Variants in REDIC1 observed in about 807,000 individuals in gnomAD.
REDIC1 encodes HEI10 Interacting Protein 1.
chr12:39,898,705 T>G, the REDIC1 span, among the ~76,000 whole-genome samples: 1 of 152,156 alleles, frequency 6.6e-6, no homozygotes, highest in Non-Finnish European at 1.5e-5. Flanking sequence ...AATCTCCCAT[T>G]TGACTGCTCA....
chr12:39,742,948 C>T, the REDIC1 span, among the ~76,000 whole-genome samples: 1 of 152,086 alleles, frequency 6.6e-6, no homozygotes, highest in Admixed American at 6.5e-5. Flanking sequence ...CTGTAATAGG[C>T]AAATTGCTGG....
At chr12:39,713,457 C>T in the REDIC1 span, among the ~76,000 whole-genome samples, 1 of 146,476 alleles carries the variant, frequency 6.8e-6, no homozygotes, top group Non-Finnish European at 1.5e-5. Context: ...TGTATACATA[C>T]ATTTGTATAT....
chr12:39,698,110 C>T, the REDIC1 span, among the ~76,000 whole-genome samples: 3 of 152,002 alleles, frequency 2.0e-5, no homozygotes, highest in African/African-American at 4.8e-5. Context: ...AGTAGCTACA[C>T]GTATATTAGA....
the REDIC1 span, among the ~76,000 whole-genome samples, chr12:39,813,049 T>C: frequency 8.5e-6 from 1 of 117,080 alleles, no homozygotes; most frequent in Non-Finnish European, 1.7e-5. Flanking sequence ...TTCACCATGT[T>C]GGCCACGCTG....
chr12:39,749,862 C>G, the REDIC1 span, among the ~76,000 whole-genome samples: 1 of 152,256 alleles, frequency 6.6e-6, no homozygotes, highest in East Asian at 1.9e-4. Context: ...TGAGAAAATT[C>G]AACAATCCTG....
chr12:39,814,044 T>TATC, the REDIC1 span, among the ~76,000 whole-genome samples: 4 of 152,246 alleles, frequency 2.6e-5, no homozygotes, highest in African/African-American at 7.2e-5. Context: ...ACTATAATCA[T>TATC]ATCTTTCAAG....
chr12:39,692,129 A>C, the REDIC1 span: 1 of 1,515,110 alleles, frequency 6.6e-7, no homozygotes, highest in Non-Finnish European at 8.9e-7. Flanking sequence ...ATAACTGTAT[A>C]AGTTAATTTT....
At chr12:39,665,169 T>A in the REDIC1 span, among the ~76,000 whole-genome samples, 1 of 152,000 alleles carries the variant, frequency 6.6e-6, no homozygotes. Context: ...CTGAATGGTA[T>A]TGCCTAGGTT....
the REDIC1 span, among the ~76,000 whole-genome samples, chr12:39,713,245 TAC>T: frequency 5.9e-4 from 39 of 66,048 alleles, 3 homozygotes; most frequent in African/African-American, 2.1e-3. Flanking sequence ...TATATATGTG[TAC>T]ACACACATAC....
the REDIC1 span, among the ~76,000 whole-genome samples, chr12:39,887,316 G>A: frequency 7.2e-5 from 11 of 152,206 alleles, no homozygotes; most frequent in Non-Finnish European, 1.5e-4. Context: ...TGGGCAGCCA[G>A]TCTGTTACAA....
the REDIC1 span, chr12:39,692,126 T>C: frequency 2.0e-6 from 3 of 1,519,914 alleles, no homozygotes; most frequent in Non-Finnish European, 2.7e-6. Flanking sequence ...AGTATAACTG[T>C]ATAAGTTAAT....
chr12:39,855,735 C>T, the REDIC1 span, among the ~76,000 whole-genome samples: 6 of 152,216 alleles, frequency 3.9e-5, no homozygotes, highest in African/African-American at 1.4e-4. Context: ...TACACAATTG[C>T]AGACTTTCAG....
At chr12:39,702,022 T>G in the REDIC1 span, among the ~76,000 whole-genome samples, 4 of 151,866 alleles carry the variant, frequency 2.6e-5, no homozygotes, top group Admixed American at 1.3e-4. Flanking sequence ...ACATCACAAT[T>G]AAAAGAACTA....
chr12:39,727,830 G>T, the REDIC1 span, among the ~76,000 whole-genome samples: 1 of 152,110 alleles, frequency 6.6e-6, no homozygotes, highest in African/African-American at 2.4e-5. Context: ...TTATTTCCTA[G>T]AGCAGTGGTT....
chr12:39,683,678 C>T, the REDIC1 span, among the ~76,000 whole-genome samples: 2 of 151,042 alleles, frequency 1.3e-5, no homozygotes, highest in East Asian at 3.9e-4. Context: ...CTCATATTTG[C>T]CAGCTCCCAA....
chr12:39,634,063 G>A, the REDIC1 span, among the ~76,000 whole-genome samples: 1 of 152,148 alleles, frequency 6.6e-6, no homozygotes, highest in South Asian at 2.1e-4. Flanking sequence ...CTATCCAGGA[G>A]CTTGGAAGGT....
chr12:39,822,861 GTTTA>G, the REDIC1 span, among the ~76,000 whole-genome samples: 7 of 152,176 alleles, frequency 4.6e-5, no homozygotes, highest in African/African-American at 1.7e-4. Flanking sequence ...GTTAACAAGT[GTTTA>G]TTTATTATTA....
the REDIC1 span, among the ~76,000 whole-genome samples, chr12:39,743,314 G>T: frequency 2.5e-3 from 374 of 152,116 alleles, 2 homozygotes; most frequent in African/African-American, 8.3e-3. Context: ...TCACAGGCCA[G>T]GGGCACCAGC....
the REDIC1 span, among the ~76,000 whole-genome samples, chr12:39,771,633 C>G: frequency 2.0e-5 from 3 of 152,224 alleles, no homozygotes; most frequent in East Asian, 5.8e-4. Flanking sequence ...ATTCCTGACC[C>G]ACAGGAAGTG....
Sources: gnomAD v4.1 joint callset for allele counts (sites outside exome capture counted in the v4.1 genomes callset) on GRCh38, gnomAD v4.1.1 for gene constraint, MANE v1.5 for transcripts, NCBI Gene and HGNC (gene_info 2026-07-23, HGNC 2026-07-21) for gene names.